The following RALYL variants were observed in gnomAD, a reference collection of about 807,000 sequenced individuals.
RALYL encodes the protein RNA-binding Raly-like protein.
RALYL carries 29 observed loss-of-function variants against 35.1 expected under a neutral mutation model. The ratio of observed to expected loss-of-function variants is 0.83; its 90% CI spans 0.61 to 1.13. The LOEUF (loss-of-function observed/expected upper bound fraction) is 1.13. RALYL is among the 50% of genes most tolerant of loss of function. RALYL has a pLI of 0.00. For missense variants in RALYL, 359 were observed against 360.4 expected (o/e 1.00, Z 0.03); for synonymous variants, 120 against 127.6 (o/e 0.94, Z 0.40).
At chr8:84,455,119 A>G (rs2049983572) in intron 1 of RALYL, among the ~76,000 whole-genome samples, 1 of 152,034 alleles carries the variant, frequency 6.6e-6, no homozygotes, top group Non-Finnish European at 1.5e-5. Flanking sequence ...ATTGGGGAAC[A>G]GTTCTGAAGT....
intron 1 of RALYL, among the ~76,000 whole-genome samples, chr8:84,413,870 G>A (rs1281537899): frequency 6.6e-6 from 1 of 151,998 alleles, no homozygotes. Context: ...CATTAAATCT[G>A]TAGCATAGAT....
chr8:84,735,341 C>T (rs1166973315), intron 2 of RALYL, among the ~76,000 whole-genome samples: 2 of 152,034 alleles, frequency 1.3e-5, no homozygotes, highest in Non-Finnish European at 2.9e-5. Flanking sequence ...ATCCAACTAA[C>T]AATTTAGTAT....
At chr8:84,495,078 C>T (rs1307307379) in intron 1 of RALYL, among the ~76,000 whole-genome samples, 3 of 152,026 alleles carry the variant, frequency 2.0e-5, no homozygotes, top group Non-Finnish European at 4.4e-5. Flanking sequence ...TCCATCCATA[C>T]CTAGTTTCTT....
intron 1 of RALYL, chr8:84,185,247 G>A (rs1812207104): frequency 3.5e-6 from 2 of 569,756 alleles, no homozygotes; most frequent in Non-Finnish European, 6.3e-6. Context: ...TTAAAAAAAT[G>A]CCTTTTATTT....
intron 4 of RALYL, among the ~76,000 whole-genome samples, chr8:84,824,811 T>C (rs11994605): frequency 6.6e-6 from 1 of 152,150 alleles, no homozygotes; most frequent in African/African-American, 2.4e-5. Flanking sequence ...GCTAACCATA[T>C]GCAGAAGAAT....
At chr8:84,675,041 A>C (rs1588928709) in intron 2 of RALYL, among the ~76,000 whole-genome samples, 1 of 152,096 alleles carries the variant, frequency 6.6e-6, no homozygotes, top group African/African-American at 2.4e-5. Context: ...CTGAGTTCTT[A>C]AAAATGTAAT....
intron 3 of RALYL, among the ~76,000 whole-genome samples, chr8:84,791,054 A>G (rs1406213552): frequency 6.6e-6 from 1 of 152,240 alleles, no homozygotes; most frequent in East Asian, 1.9e-4. Context: ...TTCAAGTTTG[A>G]GGTAACTAAA....
rs376668086 is a variant in RALYL, at chr8:84,368,442, C to T, written c.-23-160857C>T. On this transcript the variant is annotated intron_variant, in intron 1 of 8. Coordinates refer to ENST00000521268, the MANE Select transcript of RALYL (RefSeq NM_173848.7). ...AATATAGTGCATATACCATGTTTTA[C>T]GCAACACTCCCAGTAGCATTTGGTC... Among the ~76,000 whole-genome samples, 171 of 152,188 alleles carry T rather than the reference C, an allele frequency of 1.1e-3. 5 individuals are homozygous for T. The South Asian group carries it at 0.033, about 29-fold the overall frequency.
At chr8:84,623,775 GA>G (rs917904902) in intron 2 of RALYL, among the ~76,000 whole-genome samples, 2 of 152,012 alleles carry the variant, frequency 1.3e-5, no homozygotes, top group Non-Finnish European at 2.9e-5. Context: ...TATGCTGTGG[GA>G]AAAAAAGAGT....
At chr8:84,891,474 A>G (rs926350335) in intron 8 of RALYL, among the ~76,000 whole-genome samples, 1 of 152,186 alleles carries the variant, frequency 6.6e-6, no homozygotes, top group African/African-American at 2.4e-5. Flanking sequence ...CCATACAGTC[A>G]TGGCAATAAA....
intron 1 of RALYL, among the ~76,000 whole-genome samples, chr8:84,285,529 A>C (rs1029754497): frequency 5.3e-5 from 8 of 152,140 alleles, no homozygotes; most frequent in African/African-American, 1.9e-4. Flanking sequence ...TGGAACATGG[A>C]AGGGGGATCA....
intron 2 of RALYL, among the ~76,000 whole-genome samples, chr8:84,626,483 G>T (rs1034123418): frequency 6.6e-6 from 1 of 152,138 alleles, no homozygotes; most frequent in Non-Finnish European, 1.5e-5. Context: ...TCAAACACTA[G>T]CTGGAATAAA....
At chr8:84,278,713 A>C (rs1411709579) in intron 1 of RALYL, among the ~76,000 whole-genome samples, 1 of 152,196 alleles carries the variant, frequency 6.6e-6, no homozygotes, top group Non-Finnish European at 1.5e-5. Context: ...AGTGGCTTTT[A>C]CTTGTCAGTG....
chr8:84,506,119 TC>T (rs1189068871), intron 1 of RALYL, among the ~76,000 whole-genome samples: 1 of 152,086 alleles, frequency 6.6e-6, no homozygotes, highest in African/African-American at 2.4e-5. Flanking sequence ...TAATTACTTT[TC>T]CCTGTTTTCT....
chr8:84,592,047 C>T (rs1242034862), intron 2 of RALYL, among the ~76,000 whole-genome samples: 2 of 152,104 alleles, frequency 1.3e-5, no homozygotes, highest in Non-Finnish European at 2.9e-5. Flanking sequence ...ACATGAGCAG[C>T]TAACCAGTGC....
intron 2 of RALYL, among the ~76,000 whole-genome samples, chr8:84,760,418 A>G (rs548624496): frequency 7.8e-4 from 118 of 152,220 alleles, no homozygotes; most frequent in African/African-American, 2.7e-3. Flanking sequence ...AAGCAGAGAT[A>G]TAAGTATCAC....
At chr8:84,633,390 A>AT (rs1564280131) in intron 2 of RALYL, among the ~76,000 whole-genome samples, 1 of 151,830 alleles carries the variant, frequency 6.6e-6, no homozygotes, top group Non-Finnish European at 1.5e-5. Flanking sequence ...TTAAAAAAAA[A>AT]TTTTTAGCTG....
chr8:84,817,276 T>A (rs1313534911), intron 4 of RALYL, among the ~76,000 whole-genome samples: 1 of 152,170 alleles, frequency 6.6e-6, no homozygotes, highest in African/African-American at 2.4e-5. Flanking sequence ...ATGAAAACTT[T>A]ATTAAACCTT....
At chr8:84,267,204 A>G (rs1833499952) in intron 1 of RALYL, among the ~76,000 whole-genome samples, 1 of 152,152 alleles carries the variant, frequency 6.6e-6, no homozygotes, top group African/African-American at 2.4e-5. Flanking sequence ...TCAAATAAGA[A>G]AGAAAAATTA....
Sources: allele counts gnomAD v4.1 joint callset (sites outside exome capture counted in the v4.1 genomes callset), GRCh38; gene constraint gnomAD v4.1.1; transcripts MANE v1.5; gene names NCBI Gene and HGNC (gene_info 2026-07-23, HGNC 2026-07-21).